Variants in EDEM3 observed in about 807,000 individuals in gnomAD.
EDEM3 encodes the protein ER degradation-enhancing alpha-mannosidase-like protein 3.
Under a neutral mutation model 110.2 loss-of-function variants are expected in EDEM3, and 60 were observed. That is an observed-to-expected ratio of 0.54 (90% confidence interval 0.44 to 0.67). The LOEUF (loss-of-function observed/expected upper bound fraction) is 0.67. EDEM3 is among the 30% of genes least tolerant of loss of function. The pLI is 0.00. For synonymous variants in EDEM3, 352 were observed against 382.9 expected, an observed-to-expected ratio of 0.92 and a Z score of 0.94; for missense variants, 996 against 1,121.0, an observed-to-expected ratio of 0.89 and a Z score of 1.59.
At chr1:184,703,750 C>T (rs1163069767) in intron 18 of EDEM3, among the ~76,000 whole-genome samples, 1 of 152,192 alleles carries the variant, frequency 6.6e-6, no homozygotes, top group African/African-American at 2.4e-5. Flanking sequence ...ATGCATGACC[C>T]ATCCTCTTGG....
intron 19 of EDEM3, among the ~76,000 whole-genome samples, chr1:184,698,009 A>C (rs1649419075): frequency 6.6e-6 from 1 of 151,722 alleles, no homozygotes; most frequent in African/African-American, 2.4e-5. Context: ...ACAAACAGAG[A>C]GGTCCTATAA....
intron 10 of EDEM3, 60 bp downstream of exon 10, chr1:184,719,383 A>G: frequency 6.3e-7 from 1 of 1,576,902 alleles, no homozygotes; most frequent in Non-Finnish European, 8.6e-7. Flanking sequence ...AAAGATCAAA[A>G]ATGCGCCTAA....
intron 9 of EDEM3, 168 bp downstream of exon 9, chr1:184,721,121 T>C: frequency 1.8e-6 from 1 of 554,630 alleles, no homozygotes; most frequent in Non-Finnish European, 3.1e-6. Context: ...TTTTGGAATG[T>C]ATATCACTTT....
intron 12 of EDEM3, 151 bp downstream of exon 12, chr1:184,717,389 T>C: frequency 1.7e-6 from 1 of 600,898 alleles, no homozygotes; most frequent in Non-Finnish European, 2.8e-6. Flanking sequence ...ATTCAATAAT[T>C]CTATGGACTA....
chr1:184,750,704 G>C (rs1652714462), intron 1 of EDEM3, among the ~76,000 whole-genome samples: 1 of 151,836 alleles, frequency 6.6e-6, no homozygotes, highest in Non-Finnish European at 1.5e-5. Flanking sequence ...GTAGAGACAG[G>C]GTTTTACCAC....
intron 19 of EDEM3, among the ~76,000 whole-genome samples, chr1:184,695,885 G>A (rs537040150): frequency 6.6e-6 from 1 of 151,876 alleles, no homozygotes; most frequent in Non-Finnish European, 1.5e-5. Context: ...CTGGGGCACA[G>A]AAAACAATTC....
intron 1 of EDEM3, 102 bp from the exon 2 acceptor site, chr1:184,749,694 C>A: frequency 1.0e-6 from 1 of 968,054 alleles, no homozygotes; most frequent in Non-Finnish European, 1.5e-6. Flanking sequence ...AAAAATATAC[C>A]AATAAAAACA....
chr1:184,754,612 G>T lies in EDEM3; in HGVS notation c.35C>A (p.Pro12Gln). 2 of 1,605,470 alleles carry T rather than the reference G, an allele frequency of 1.2e-6. No individual in the cohort carries two copies. Among genetic ancestry groups the T allele is most frequent in the Non-Finnish European group, 1.7e-6 (2 of 1,176,346 alleles). Residue 12 changes from proline (P) to glutamine (Q), a missense_variant, in exon 1 of 20, where the codon CCG becomes CAG. Pro to Gln is a moderately conservative substitution (Grantham distance 76). Around this residue, in one of 5 missense-constraint regions of EDEM3, gnomAD observed 200 missense variants for 183.8 expected, o/e 1.09. Transcript: ENST00000318130. The stretch of plus-strand genomic sequence containing the variant: ...TCTCCATCGCGCTCGCTGGGGAACC[G>T]GGGACCCACAGCCCCGGCCGCCGGC... ...SEAGGRGCGSPVPQRARWRLV... is the reference protein window; with the variant it reads ...SEAGGRGCGSQVPQRARWRLV...
chr1:184,723,704 C>T (rs1651025404), intron 8 of EDEM3, 47 bp downstream of exon 8: 3 of 1,347,884 alleles, frequency 2.2e-6, no homozygotes, highest in Non-Finnish European at 3.1e-6. Flanking sequence ...ATTTCCCAAC[C>T]ATTTTGAGGA....
intron 9 of EDEM3, 149 bp downstream of exon 9, chr1:184,721,140 T>C (rs968862668): frequency 7.9e-6 from 5 of 632,418 alleles, no homozygotes; most frequent in African/African-American, 5.8e-5. Context: ...TTTTACGCTG[T>C]CCCTGTTCAA....
intron 18 of EDEM3, among the ~76,000 whole-genome samples, chr1:184,705,871 TAA>T (rs1649895800): frequency 1.3e-5 from 2 of 152,096 alleles, no homozygotes; most frequent in South Asian, 4.1e-4. Context: ...TATCATGATA[TAA>T]GTGATTGTCT....
rs192420780 is a variant in EDEM3 at position 184,736,245 on chromosome 1, G to A, written c.345+780C>T. Among the ~76,000 whole-genome samples the A allele has an allele frequency of 1.2e-3, 179 of 151,086 alleles. 1 individual carries two copies. Among genetic ancestry groups the A allele is most frequent in the Admixed American group, 3.7e-3 (57 of 15,200 alleles). On this transcript the variant is annotated intron_variant, in intron 4 of 19. Transcript: ENST00000318130. ...GCTGCTTTTAGAGTTGAGAATTTTC[G>A]TTCTTAAAAAAAAAATACTCCAGTG... is the stretch of plus-strand genomic sequence containing the variant.
At chr1:184,746,804 A>G (rs1476230710) in intron 2 of EDEM3, among the ~76,000 whole-genome samples, 1 of 152,234 alleles carries the variant, frequency 6.6e-6, no homozygotes, top group Non-Finnish European at 1.5e-5. Context: ...ACTGGAGAGT[A>G]GTATTAGAAA....
intron 15 of EDEM3, among the ~76,000 whole-genome samples, chr1:184,711,517 A>G (rs183936448): frequency 3.0e-4 from 45 of 152,344 alleles, no homozygotes; most frequent in African/African-American, 1.1e-3. Flanking sequence ...GAAAGTTTCC[A>G]AAATAATAAA....
At chr1:184,695,568 G>A (rs1649287554) in intron 19 of EDEM3, among the ~76,000 whole-genome samples, 2 of 151,744 alleles carry the variant, frequency 1.3e-5, no homozygotes, top group African/African-American at 4.8e-5. Context: ...CAAATCATTG[G>A]TATACTGTAT....
chr1:184,694,129 G>A lies in EDEM3; in HGVS notation c.2733C>T (p.Asp911=), dbSNP rs925416368. The A allele has an allele frequency of 3.1e-6, 5 of 1,613,362 alleles. No homozygotes were observed. Among genetic ancestry groups the A allele is most frequent in the Non-Finnish European group, 4.2e-6 (5 of 1,179,596 alleles). ...CTTCATTCCAGTCTGCTAATATGGA[G>A]TCTATAGGCTGGACCTTTTTACCCC... ...VSWGKKVQPI[D]SILADWNEDI... is the part of the protein sequence containing the mutation. Residue 911 remains aspartate, a synonymous_variant, in exon 20 of 20, where the codon GAC becomes GAT. Coordinates refer to ENST00000318130, the MANE Select transcript of EDEM3 (RefSeq NM_025191.4).
At chr1:184,697,573 A>G (rs890750836) in intron 19 of EDEM3, among the ~76,000 whole-genome samples, 2 of 151,868 alleles carry the variant, frequency 1.3e-5, no homozygotes, top group African/African-American at 2.4e-5. Context: ...AATATTTGAT[A>G]TATAGCAAAG....
intron 1 of EDEM3, among the ~76,000 whole-genome samples, chr1:184,750,969 G>C (rs1476869515): frequency 6.6e-6 from 1 of 151,940 alleles, no homozygotes; most frequent in Admixed American, 6.6e-5. Flanking sequence ...GGTAATAATA[G>C]AGCTAGCAAA....
chr1:184,723,277 C>T (rs1018920186), intron 8 of EDEM3, among the ~76,000 whole-genome samples: 4 of 151,844 alleles, frequency 2.6e-5, no homozygotes, highest in African/African-American at 7.3e-5. Context: ...TATTAATATG[C>T]CCACTTTACA....
Sources: gnomAD v4.1 joint callset for allele counts (sites outside exome capture counted in the v4.1 genomes callset) on GRCh38, gnomAD v4.1.1 for gene constraint, gnomAD v4.1.1 regional missense constraint, MANE v1.5 for transcripts, NCBI Gene and HGNC (gene_info 2026-07-23, HGNC 2026-07-21) for gene names.